Variants in RANBP17 observed in about 807,000 individuals in gnomAD.
RANBP17 encodes the protein RAN binding protein 17.
In RANBP17, 158 loss-of-function variants were observed where a neutral mutation model predicts 141.2. The ratio of observed to expected loss-of-function variants is 1.12; its 90% CI spans 0.98 to 1.28. RANBP17 has a LOEUF of 1.28. Ranked by LOEUF, RANBP17 falls within the 50% of genes most tolerant of loss-of-function variation. The pLI, the probability that RANBP17 is intolerant of heterozygous loss-of-function variation, is 0.00. For missense variants in RANBP17, 1,438 were observed against 1,290.7 expected (o/e 1.11, Z -1.75); for synonymous variants, 430 against 450.0 (o/e 0.96, Z 0.56).
chr5:171,021,662 A>C (rs1239037649), intron 14 of RANBP17, among the ~76,000 whole-genome samples: 1 of 152,176 alleles, frequency 6.6e-6, no homozygotes, highest in African/African-American at 2.4e-5. Flanking sequence ...TCTAGTTAGC[A>C]GCTCCTCTAA....
chr5:170,890,646 A>T (rs775077638), intron 3 of RANBP17, among the ~76,000 whole-genome samples: 30 of 152,198 alleles, frequency 2.0e-4, no homozygotes, highest in Non-Finnish European at 4.0e-4. Context: ...TTTCAGGCCA[A>T]AGTGGAAATG....
At chr5:171,130,959 T>C (rs1309819550) in intron 14 of RANBP17, among the ~76,000 whole-genome samples, 2 of 152,186 alleles carry the variant, frequency 1.3e-5, no homozygotes, top group Non-Finnish European at 2.9e-5. Context: ...TAAAGAAATT[T>C]GTTATGTTTC....
intron 9 of RANBP17, 83 bp downstream of exon 9, chr5:170,916,667 A>G (rs1413421910): frequency 4.8e-6 from 4 of 834,072 alleles, no homozygotes; most frequent in Non-Finnish European, 7.0e-6. Context: ...TCATGAATTT[A>G]TTATGATTCT....
rs1393922598 is a variant in RANBP17 at position 170,934,818 on chromosome 5, A to G, written c.1468+10268A>G. Among the ~76,000 whole-genome samples, 3 of 152,158 alleles carry G rather than the reference A, an allele frequency of 2.0e-5. No homozygotes were observed. The East Asian group carries it at 5.8e-4, about 29-fold the overall frequency. On this transcript the variant is annotated intron_variant, in intron 12 of 27. Transcript: ENST00000523189. ...TCTTCTCAAGGAGTATCTTTGTGGC[A>G]TTCTCTGTATTTCCTGAATCTGAAT...
intron 14 of RANBP17, among the ~76,000 whole-genome samples, chr5:171,141,370 G>A (rs530316966): frequency 6.6e-6 from 1 of 151,796 alleles, no homozygotes; most frequent in Non-Finnish European, 1.5e-5. Context: ...GCCGAGGTGG[G>A]CGGATCACAA....
At chr5:171,120,065 G>C (rs1455030514) in intron 14 of RANBP17, among the ~76,000 whole-genome samples, 1 of 149,988 alleles carries the variant, frequency 6.7e-6, no homozygotes. Flanking sequence ...AAATGAGAGA[G>C]AGGTACCACC....
At chr5:171,247,311 C>A (rs1422108878) in intron 24 of RANBP17, among the ~76,000 whole-genome samples, 1 of 152,148 alleles carries the variant, frequency 6.6e-6, no homozygotes, top group Admixed American at 6.5e-5. Flanking sequence ...CACATTGTAA[C>A]CACTGGATAA....
intron 14 of RANBP17, among the ~76,000 whole-genome samples, chr5:170,978,899 T>A (rs1244820832): frequency 2.0e-5 from 3 of 152,144 alleles, no homozygotes; most frequent in Non-Finnish European, 2.9e-5. Context: ...TGTAATTGTG[T>A]AAAAAAGTGG....
At chr5:170,988,923 A>T (rs1049036055) in intron 14 of RANBP17, among the ~76,000 whole-genome samples, 12 of 151,930 alleles carry the variant, frequency 7.9e-5, no homozygotes, top group Admixed American at 7.9e-4. Context: ...CCAGTTTGTA[A>T]GATGAAGATG....
At chr5:171,055,151 C>T (rs59008519) in intron 14 of RANBP17, among the ~76,000 whole-genome samples, 3,549 of 152,218 alleles carry the variant, frequency 0.023, 122 homozygotes, top group African/African-American at 0.08. Context: ...GGGCCACTGT[C>T]GGAACCAAAC....
chr5:171,039,018 A>G (rs1354561841), intron 14 of RANBP17, among the ~76,000 whole-genome samples: 1 of 152,050 alleles, frequency 6.6e-6, no homozygotes, highest in African/African-American at 2.4e-5. Context: ...TGCTTTTGTG[A>G]ATAGTGCTGT....
At chr5:170,920,694 C>T (rs1772376222) in intron 11 of RANBP17, among the ~76,000 whole-genome samples, 1 of 152,100 alleles carries the variant, frequency 6.6e-6, no homozygotes, top group Non-Finnish European at 1.5e-5. Flanking sequence ...AATGGTTGAA[C>T]TAATTTACAT....
intron 3 of RANBP17, among the ~76,000 whole-genome samples, chr5:170,884,419 A>G (rs1768975806): frequency 1.3e-5 from 2 of 152,218 alleles, no homozygotes; most frequent in Admixed American, 1.3e-4. Flanking sequence ...TATATACTAT[A>G]TTCTGTGAAT....
intron 14 of RANBP17, among the ~76,000 whole-genome samples, chr5:171,030,132 T>C (rs1440252665): frequency 6.6e-6 from 1 of 152,018 alleles, no homozygotes; most frequent in Admixed American, 6.6e-5. Context: ...AGAAGAGAGA[T>C]TGTCTTCCTC....
In RANBP17 at chr5:171,050,794, T is replaced by G. The variant is rs376539740; in HGVS notation, c.1710+82417T>G. The stretch of plus-strand genomic sequence containing the variant: ...GTCCAAGTTTTCCCCTCACATACTT[T>G]CCCTTTTGTCTGAAGAAATTCCCTT... On this transcript the variant is annotated intron_variant, in intron 14 of 27. Transcript: ENST00000523189. Among the ~76,000 whole-genome samples, 62 of 152,334 alleles carry G rather than the reference T, an allele frequency of 4.1e-4. 1 individual carries two copies. In the South Asian group the frequency reaches 0.012, roughly 31 times the overall value.
chr5:171,055,843 G>T (rs1783311197), intron 14 of RANBP17, among the ~76,000 whole-genome samples: 1 of 138,476 alleles, frequency 7.2e-6, no homozygotes, highest in South Asian at 2.3e-4. Context: ...TCAAAGCCTT[G>T]GCAAAACAAC....
At chr5:171,242,394 T>TA (rs1254108983) in intron 23 of RANBP17, among the ~76,000 whole-genome samples, 2 of 152,210 alleles carry the variant, frequency 1.3e-5, no homozygotes, top group African/African-American at 2.4e-5. Flanking sequence ...TGTTCAGTGT[T>TA]ACAGTATTCC....
Position 171,202,734 on chromosome 5 carries a change from A to G in RANBP17, c.2143-2790A>G, listed in dbSNP as rs140287869. On this transcript the variant is annotated intron_variant, in intron 19 of 27. Transcript: ENST00000523189. ...CGGCTCTTTTGTTGGAACTATTTAGAGGTTATTAAGATGTGTCTTCAGAAT... is the reference window on the plus strand; with the variant it reads ...CGGCTCTTTTGTTGGAACTATTTAGGGGTTATTAAGATGTGTCTTCAGAAT... 3.7e-3 allele frequency among the ~76,000 whole-genome samples: 565 copies of G among 152,218 alleles called. 2 individuals carry two copies. Among genetic ancestry groups the G allele is most frequent in the African/African-American group, 0.012 (514 of 41,526 alleles).
At chr5:171,195,427 G>A (rs1453594875) in intron 18 of RANBP17, among the ~76,000 whole-genome samples, 1 of 152,162 alleles carries the variant, frequency 6.6e-6, no homozygotes, top group African/African-American at 2.4e-5. Flanking sequence ...ACAATATCCA[G>A]TTCTCCAGCT....
Sources: allele counts gnomAD v4.1 joint callset (sites outside exome capture counted in the v4.1 genomes callset), GRCh38; gene constraint gnomAD v4.1.1; transcripts MANE v1.5; gene names NCBI Gene and HGNC (gene_info 2026-07-23, HGNC 2026-07-21).